Variants in AFAP1L1 observed in about 807,000 individuals in gnomAD.
The protein encoded by AFAP1L1 is actin filament-associated protein 1-like 1.
AFAP1L1 carries 77 observed loss-of-function variants against 99.8 expected under a neutral mutation model. That is an observed-to-expected ratio of 0.77 (90% CI 0.64 to 0.93). The LOEUF (loss-of-function observed/expected upper bound fraction) is 0.93, where lower values mean the gene tolerates loss of function less well. AFAP1L1 is among the 40% of genes least tolerant of loss of function. The pLI is 0.00. For synonymous variants in AFAP1L1, 373 were observed against 395.3 expected, an observed-to-expected ratio of 0.94 and a Z score of 0.67; for missense variants, 893 against 996.8, an observed-to-expected ratio of 0.90 and a Z score of 1.40.
intron 1 of AFAP1L1, among the ~76,000 whole-genome samples, chr5:149,282,335 G>T (rs1430540759): frequency 6.6e-6 from 1 of 152,002 alleles, no homozygotes; most frequent in East Asian, 1.9e-4. Flanking sequence ...GCCTTTTCCA[G>T]GCGCCATTCC....
Position 149,341,460 on chromosome 5 carries a change from T to C in AFAP1L1, c.*1430T>C, listed in dbSNP as rs767709708. 3 of 152,244 alleles carry C rather than the reference T, an allele frequency of 2.0e-5. No individual in the cohort carries two copies. Among genetic ancestry groups the C allele is most frequent in the Non-Finnish European group, 4.4e-5 (3 of 68,044 alleles). 9.4% of individuals were successfully genotyped at this position (152,244 alleles called of 1,614,324 possible). On this transcript the variant is annotated 3_prime_UTR_variant, in exon 19 of 19. Coordinates refer to ENST00000296721, the MANE Select transcript of AFAP1L1 (RefSeq NM_152406.4). ...CCTTGGGAAAGTCACTTGATTGCTC[T>C]GATTCTTGTTTTCCTTATCTGTGAA...
At position 149,329,823 on chromosome 5, in the gene AFAP1L1, C is replaced by G; in HGVS notation, c.1968C>G (p.Ser656Arg). The stretch of plus-strand genomic sequence containing the variant: ...GGGAACTGAAGGAAGCCATTCGGAG[C>G]AGCCCAGGTACCTATGTGGGTGTGG... ...EKRELKEAIR[S>R]SPGAKLKALE... The change falls in exon 16 of 19, where the codon AGC (serine) becomes AGG (arginine). Residue 656 changes from serine (S) to arginine (R), a missense_variant. Physicochemically the swap from Ser to Arg is moderately radical, Grantham distance 110. Transcript: ENST00000296721. The G allele has an allele frequency of 6.2e-7, 1 of 1,609,384 alleles. No individual in the cohort carries two copies.
intron 1 of AFAP1L1, among the ~76,000 whole-genome samples, chr5:149,275,951 G>A (rs1755307549): frequency 6.6e-6 from 1 of 152,128 alleles, no homozygotes; most frequent in African/African-American, 2.4e-5. Context: ...CATTTGGGAG[G>A]GACAAAATTC....
intron 4 of AFAP1L1, 63 bp downstream of exon 4, chr5:149,301,293 G>A: frequency 1.3e-6 from 2 of 1,518,542 alleles, no homozygotes; most frequent in Non-Finnish European, 9.1e-7. Context: ...GGCAAGGGAA[G>A]CTCTCCCCTT....
Position 149,301,246 on chromosome 5 carries a change from G to A in AFAP1L1, c.327+16G>A, listed in dbSNP as rs1429446734. 1.2e-6 allele frequency: 2 copies of A among 1,612,104 alleles called. No homozygotes were observed. Among genetic ancestry groups the A allele is most frequent in the African/African-American group, 2.7e-5 (2 of 74,838 alleles). ...CCTGAGAAACGTGAGTCATGGCCTG[G>A]GTTCCCACACCTCAGGGCCTCTGTC... On this transcript the variant is annotated intron_variant, in intron 4 of 18. Coordinates refer to ENST00000296721, the MANE Select transcript of AFAP1L1 (RefSeq NM_152406.4).
Position 149,316,285 on chromosome 5 carries a change from G to T in AFAP1L1, c.1249G>T (p.Glu417Ter). 6.2e-7 allele frequency: 1 copy of T among 1,614,026 alleles called. No homozygotes were observed. The highest frequency in any genetic ancestry group is 8.5e-7 in the Non-Finnish European group (1 of 1,179,986). The change falls in exon 11 of 19, where the codon GAG (glutamate) becomes TAG (stop). Residue 417 changes from glutamate (E) to a stop codon, truncating the protein, a stop_gained. Transcript: ENST00000296721. LOFTEE classifies it high-confidence loss of function. ...ADDLQTSSTE[E>*]EVPCCGYLNV... ...TGACCTGCAGACGTCCTCCACCGAG[G>T]AGGAGGTTCCCTGCTGTGGTGGGTC...
intron 1 of AFAP1L1, among the ~76,000 whole-genome samples, chr5:149,280,830 G>A (rs1755494536): frequency 6.6e-6 from 1 of 151,800 alleles, no homozygotes; most frequent in Admixed American, 6.6e-5. Flanking sequence ...TCCCTCCCCT[G>A]CCCTCCACCA....
chr5:149,300,045 T>C (rs1278325432), intron 2 of AFAP1L1, among the ~76,000 whole-genome samples: 1 of 152,180 alleles, frequency 6.6e-6, no homozygotes, highest in Non-Finnish European at 1.5e-5. Context: ...GCCCCAGTAA[T>C]CTGTTTCCAT....
At chr5:149,317,642 T>C (rs1211546353) in intron 11 of AFAP1L1, 87 bp from the exon 12 acceptor site, 3 of 1,451,138 alleles carry the variant, frequency 2.1e-6, no homozygotes, top group Admixed American at 4.0e-5. Context: ...CCCGAGGCCT[T>C]CTTTCCAGCA....
At chr5:149,283,198 G>A (rs553918480) in intron 1 of AFAP1L1, among the ~76,000 whole-genome samples, 11 of 152,306 alleles carry the variant, frequency 7.2e-5, no homozygotes, top group Admixed American at 3.9e-4. Flanking sequence ...TGTCATTGAC[G>A]TGGTTACCAG....
chr5:149,307,462 G>T lies in AFAP1L1; in HGVS notation c.596G>T (p.Gly199Val). Residue 199 changes from glycine to valine, a missense_variant, in exon 7 of 19, where the codon GGG becomes GTG. Physicochemically the swap from Gly to Val is moderately radical, Grantham distance 109. Coordinates refer to ENST00000296721, the MANE Select transcript of AFAP1L1 (RefSeq NM_152406.4). Reference sequence around the variant, plus strand: ...TCCTACGATGAAGAGGAGGAGGAAGGGAAGAGCCCGCAGCCCCGACACCAG... The same window carrying T: ...TCCTACGATGAAGAGGAGGAGGAAGTGAAGAGCCCGCAGCCCCGACACCAG... ...YESYDEEEEE[G>V]KSPQPRHQWP... 1 of 1,614,168 alleles carries T rather than the reference G, an allele frequency of 6.2e-7. No homozygotes were observed. Among genetic ancestry groups the T allele is most frequent in the Admixed American group, 1.7e-5 (1 of 60,024 alleles).
chr5:149,297,062 C>T (rs1260761891), intron 1 of AFAP1L1, among the ~76,000 whole-genome samples: 1 of 152,146 alleles, frequency 6.6e-6, no homozygotes, highest in African/African-American at 2.4e-5. Flanking sequence ...AGCAACAATT[C>T]AAGGTGAGAT....
intron 2 of AFAP1L1, among the ~76,000 whole-genome samples, chr5:149,299,905 CAGAACACACACACTCACAT>C (rs910401100): frequency 1.3e-5 from 2 of 151,936 alleles, no homozygotes; most frequent in Non-Finnish European, 2.9e-5. Flanking sequence ...CACACACACA[CAGAACACACACACTCACAT>C]AGAACACACA....
At chr5:149,291,524 CAAAAAAAAA>C (rs1229134807) in intron 1 of AFAP1L1, among the ~76,000 whole-genome samples, 2 of 13,394 alleles carry the variant, frequency 1.5e-4, no homozygotes, top group African/African-American at 4.5e-4. Context: ...GACTCCGTCT[CAAAAAAAAA>C]AAAAAAAAAA....
At chr5:149,277,829 C>T (rs1248129356) in intron 1 of AFAP1L1, among the ~76,000 whole-genome samples, 2 of 152,164 alleles carry the variant, frequency 1.3e-5, no homozygotes, top group Non-Finnish European at 2.9e-5. Context: ...CAGAATTTAA[C>T]CACACTCTGC....
At chr5:149,301,661 C>T (rs774318725) in intron 4 of AFAP1L1, among the ~76,000 whole-genome samples, 11 of 152,142 alleles carry the variant, frequency 7.2e-5, no homozygotes, top group Non-Finnish European at 1.2e-4. Flanking sequence ...TTAGGCGAGT[C>T]GCTTCTCTTC....
intron 2 of AFAP1L1, 123 bp from the exon 3 acceptor site, chr5:149,300,148 T>C (rs1756150416): frequency 4.8e-6 from 3 of 621,056 alleles, no homozygotes; most frequent in Non-Finnish European, 8.4e-6. Context: ...TGAAATAATT[T>C]AGGACTTGAA....
intron 15 of AFAP1L1, among the ~76,000 whole-genome samples, chr5:149,324,439 G>A (rs539020604): frequency 1.3e-5 from 2 of 152,186 alleles, no homozygotes; most frequent in African/African-American, 4.8e-5. Flanking sequence ...GTGCCATCTC[G>A]AAGGGGATTA....
chr5:149,271,952 G>A lies in AFAP1L1; in HGVS notation c.-17G>A. ...CCTGCGCCCTGCGGCCCGCTCCCCG[G>A]GGACCGGGCCGGCGCCATGGACCGA... On this transcript the variant is annotated 5_prime_UTR_variant, in exon 1 of 19. Transcript: ENST00000296721. 8.1e-7 allele frequency: 1 copy of A among 1,232,492 alleles called. No homozygotes were observed. The highest frequency in any genetic ancestry group is 1.0e-6 in the Non-Finnish European group (1 of 986,536). The allele number at this position is 1,232,492 out of a possible 1,614,324, so 76.3% of individuals were successfully genotyped here.
Sources: gnomAD v4.1 joint callset for allele counts (sites outside exome capture counted in the v4.1 genomes callset) on GRCh38, gnomAD v4.1.1 for gene constraint, MANE v1.5 for transcripts, NCBI Gene and HGNC (gene_info 2026-07-23, HGNC 2026-07-21) for gene names.